UFD1: variants seen among roughly 807,000 people sequenced by gnomAD.
UFD1 encodes ubiquitin recognition factor in ER-associated degradation protein 1.
UFD1 carries 13 observed loss-of-function variants against 45.9 expected under a neutral mutation model. The observed-to-expected ratio is 0.28, with a 90% confidence interval of 0.18 to 0.45. The LOEUF (loss-of-function observed/expected upper bound fraction) is 0.45. Among genes scored for constraint, UFD1 ranks in the 20% least tolerant of loss-of-function variants. The pLI, the probability that UFD1 is intolerant of heterozygous loss-of-function variation, is 1.00. For missense variants in UFD1, 218 were observed against 389.2 expected (o/e 0.56, Z 3.70); for synonymous variants, 128 against 139.2 (o/e 0.92, Z 0.56).
At chr22:19,462,048 A>G (rs5748217) in intron 6 of UFD1, among the ~76,000 whole-genome samples, 133,224 of 152,176 alleles carry the variant, frequency 0.88, 58,577 homozygotes, top group African/African-American at 0.96. Flanking sequence ...CACCTAGGCT[A>G]GAGTGCAGTG....
chr22:19,471,752 G>C lies in UFD1; in HGVS notation c.226C>G (p.Arg76Gly). The C allele has an allele frequency of 6.2e-7, 1 of 1,614,116 alleles. No homozygotes were observed. Among genetic ancestry groups the C allele is most frequent in the East Asian group, 2.2e-5 (1 of 44,880 alleles). ...TCCAGCACGCCACAATGCGTCATGC[G>C]GTCCGAATTCTTATTGGTCAGTTTG... ...LFKLTNKNSD[R>G]MTHCGVLEFV... Residue 76 changes from arginine (R) to glycine (G), a missense_variant, in exon 4 of 12, where the codon CGC becomes GGC. Physicochemically the swap from Arg to Gly is moderately radical, Grantham distance 125. Coordinates refer to ENST00000263202, the MANE Select transcript of UFD1 (RefSeq NM_005659.7).
chr22:19,451,813 C>T, intron 11 of UFD1: 1 of 985,456 alleles, frequency 1.0e-6, no homozygotes, highest in Non-Finnish European at 1.2e-6. Context: ...CAATCACAGC[C>T]TGCATTGCAT....
chr22:19,471,610 A>T, intron 4 of UFD1, 77 bp downstream of exon 4: 1 of 1,565,502 alleles, frequency 6.4e-7, no homozygotes, highest in Non-Finnish European at 8.6e-7. Flanking sequence ...CACCTGCTCC[A>T]GGGCCAGGAC....
intron 6 of UFD1, among the ~76,000 whole-genome samples, chr22:19,459,937 C>A (rs1329753592): frequency 6.6e-6 from 1 of 151,820 alleles, no homozygotes; most frequent in East Asian, 2.0e-4. Flanking sequence ...TGGTGTTTCA[C>A]TATGTTGGCC....
chr22:19,460,198 T>C (rs1373875613), intron 6 of UFD1, among the ~76,000 whole-genome samples: 1 of 152,208 alleles, frequency 6.6e-6, no homozygotes, highest in Non-Finnish European at 1.5e-5. Context: ...CTACCACTTA[T>C]CCACTGAGCA....
chr22:19,454,575 G>GT (rs1190758164), intron 11 of UFD1, 174 bp downstream of exon 11: 93 of 1,372,510 alleles, frequency 6.8e-5, no homozygotes, highest in Non-Finnish European at 8.4e-5. Flanking sequence ...CATGTGAACT[G>GT]TAAGTCCATT....
At chr22:19,456,671 C>T (rs763834823) in intron 8 of UFD1, 37 bp from the exon 9 acceptor site, 27 of 1,614,126 alleles carry the variant, frequency 1.7e-5, no homozygotes, top group Admixed American at 3.3e-5. Context: ...AGCTCCTCAG[C>T]GGGGACACCC....
At chr22:19,451,429 T>A in intron 11 of UFD1, 1 of 985,320 alleles carries the variant, frequency 1.0e-6, no homozygotes, top group Non-Finnish European at 1.2e-6. Context: ...TTTAATGCTT[T>A]TAACATATAG....
intron 1 of UFD1, among the ~76,000 whole-genome samples, chr22:19,477,743 A>G (rs1391940785): frequency 1.3e-5 from 2 of 152,178 alleles, no homozygotes; most frequent in African/African-American, 4.8e-5. Flanking sequence ...TTCCAAATAT[A>G]TATTTAGTAG....
chr22:19,466,102 A>G lies in UFD1; in HGVS notation c.423-828T>C, dbSNP rs564215681. ...TGAAAGGGTGAGGCTATCTAGGTTC[A>G]CCTCGCTTGGTCAAACAGCTTTCCA... On this transcript the variant is annotated intron_variant, in intron 5 of 11. Transcript: ENST00000263202. 2.6e-5 allele frequency: 4 copies of G among 152,368 alleles called. No homozygotes were observed. In the East Asian group the frequency reaches 7.7e-4, roughly 29 times the overall value. The allele number at this position is 152,368 out of a possible 1,614,324, so 9.4% of individuals were successfully genotyped here.
intron 4 of UFD1, chr22:19,470,920 C>A: frequency 2.3e-6 from 1 of 440,612 alleles, no homozygotes; most frequent in Non-Finnish European, 4.5e-6. Context: ...ACTGCGGGGT[C>A]TCTCAGTATG....
chr22:19,456,873 C>G lies in UFD1; in HGVS notation c.610G>C (p.Val204Leu), dbSNP rs982995832. The change falls in exon 8 of 12, where the codon GTC (valine) becomes CTC (leucine). Residue 204 changes from valine (V) to leucine (L), a missense_variant. This residue lies in a region of UFD1 where 149 missense variants were observed against 307.5 expected (regional missense o/e 0.48). Coordinates refer to ENST00000263202, the MANE Select transcript of UFD1 (RefSeq NM_005659.7). ...PLGYKEPERQVQHEESTEGEA... is the reference protein window; with the variant it reads ...PLGYKEPERQLQHEESTEGEA... Reference sequence around the variant, plus strand: ...CTTACTGTCGACTCCTCATGCTGGACTTGTCTTTCGGGTTCTTTGTAGCCC... The same window carrying G: ...CTTACTGTCGACTCCTCATGCTGGAGTTGTCTTTCGGGTTCTTTGTAGCCC... The G allele has an allele frequency of 2.5e-6, 4 of 1,612,990 alleles. No individual in the cohort carries two copies. The highest frequency in any genetic ancestry group is 3.4e-6 in the Non-Finnish European group (4 of 1,179,434).
intron 4 of UFD1, chr22:19,469,960 C>A (rs760854226): frequency 1.9e-6 from 1 of 518,640 alleles, no homozygotes; most frequent in South Asian, 1.4e-5. Context: ...CTTCGAGATA[C>A]AGTGTATCCC....
intron 7 of UFD1, 44 bp from the exon 8 acceptor site, chr22:19,456,962 A>T (rs1303143459): frequency 7.5e-7 from 1 of 1,331,216 alleles, no homozygotes; most frequent in African/African-American, 1.5e-5. Context: ...AGACATGACC[A>T]CCCTTGGCTT....
chr22:19,453,527 T>A, intron 11 of UFD1: 1 of 985,444 alleles, frequency 1.0e-6, no homozygotes. Flanking sequence ...CATGCTAAGG[T>A]CTTAGGTCGG....
intron 1 of UFD1, 153 bp downstream of exon 1, chr22:19,478,930 T>C (rs1010562592): frequency 7.8e-5 from 82 of 1,056,426 alleles, no homozygotes; most frequent in Non-Finnish European, 1.1e-4. Flanking sequence ...AGGGTCCTGC[T>C]TGTGCCCGGT....
chr22:19,473,084 A>C (rs980748549), intron 3 of UFD1, among the ~76,000 whole-genome samples: 1 of 151,836 alleles, frequency 6.6e-6, no homozygotes, highest in Non-Finnish European at 1.5e-5. Flanking sequence ...ACCAAGGGTG[A>C]CTCTCACACT....
At chr22:19,459,501 G>A (rs1489520585) in intron 6 of UFD1, among the ~76,000 whole-genome samples, 1 of 152,094 alleles carries the variant, frequency 6.6e-6, no homozygotes, top group Admixed American at 6.5e-5. Context: ...TGTAGTCCCA[G>A]CTATTCGGGA....
At chr22:19,457,024 A>G in intron 7 of UFD1, 106 bp from the exon 8 acceptor site, 1 of 788,772 alleles carries the variant, frequency 1.3e-6, no homozygotes, top group Non-Finnish European at 2.2e-6. Flanking sequence ...AGTTTTAAGA[A>G]ATAATACAAA....
Sources: gnomAD v4.1 joint callset for allele counts (sites outside exome capture counted in the v4.1 genomes callset) on GRCh38, gnomAD v4.1.1 for gene constraint, gnomAD v4.1.1 regional missense constraint, MANE v1.5 for transcripts, NCBI Gene and HGNC (gene_info 2026-07-23, HGNC 2026-07-21) for gene names.